Variants in PKP2 observed in about 807,000 individuals in gnomAD.
PKP2 encodes the protein plakophilin 2, also known as plakophilin-2.
PKP2 carries 73 observed loss-of-function variants against 83.4 expected under a neutral mutation model. That is an observed-to-expected ratio of 0.88 (90% CI 0.72 to 1.06). The LOEUF (loss-of-function observed/expected upper bound fraction) is 1.06, where lower values mean the gene tolerates loss of function less well. PKP2 is among the 50% of genes least tolerant of loss of function. The pLI is 0.00. For synonymous variants in PKP2, 409 were observed against 430.4 expected (o/e 0.95, Z 0.62); for missense variants, 966 against 1,065.4 (o/e 0.91, Z 1.30).
At chr12:32,799,945 G>A (rs1314385053) in intron 10 of PKP2, among the ~76,000 whole-genome samples, 3 of 152,166 alleles carry the variant, frequency 2.0e-5, no homozygotes, top group East Asian at 1.9e-4. Context: ...CTTAAAAGGT[G>A]TTAATATTTG....
chr12:32,830,127 CA>C (rs1956485322), intron 6 of PKP2, among the ~76,000 whole-genome samples: 1 of 152,178 alleles, frequency 6.6e-6, no homozygotes. Context: ...ACTTGGTAGG[CA>C]AAGTTAGAGT....
chr12:32,893,351 T>C (rs904183666), intron 1 of PKP2: 12 of 152,194 alleles, frequency 7.9e-5, no homozygotes, highest in African/African-American at 2.7e-4. Flanking sequence ...GTTTCAACAA[T>C]TGCTTGTCTG....
intron 5 of PKP2, chr12:32,843,146 A>C (rs749983584): frequency 1.8e-5 from 8 of 440,310 alleles, no homozygotes; most frequent in Middle Eastern, 7.3e-4. Flanking sequence ...CACCCGGCTA[A>C]TTTTTTTGTA....
Position 32,796,106 on chromosome 12 carries a change from T to TA in PKP2, c.2357+2dup. ...AGCTGACGGGCAGAACTGAAGGACT[T>TA]ACGCATCGCCTGCACTAATGGCCAT... On this transcript the variant is annotated splice_region_variant and intron_variant, in intron 11 of 12. Coordinates refer to ENST00000340811, the MANE Select transcript of PKP2 (RefSeq NM_001005242.3). 6.2e-7 allele frequency: 1 copy of TA among 1,613,402 alleles called. No homozygotes were observed. The highest frequency in any genetic ancestry group is 1.3e-5 in the African/African-American group (1 of 75,024).
intron 6 of PKP2, among the ~76,000 whole-genome samples, chr12:32,835,461 C>G (rs1956536902): frequency 6.6e-6 from 1 of 151,442 alleles, no homozygotes; most frequent in Admixed American, 6.6e-5. Context: ...CTAAGTTATA[C>G]TTCTTACTCC....
intron 6 of PKP2, among the ~76,000 whole-genome samples, chr12:32,837,732 A>G (rs1486094984): frequency 6.6e-6 from 1 of 152,204 alleles, no homozygotes; most frequent in Non-Finnish European, 1.5e-5. Flanking sequence ...CAACCAATGT[A>G]TAGCTTCTAC....
intron 9 of PKP2, chr12:32,820,593 C>G (rs1370235193): frequency 6.6e-6 from 1 of 152,214 alleles, no homozygotes; most frequent in Non-Finnish European, 1.5e-5. Context: ...TTGTTTTTGC[C>G]TTCCCAGCAT....
intron 10 of PKP2, among the ~76,000 whole-genome samples, chr12:32,796,857 T>C (rs1174735901): frequency 6.6e-6 from 1 of 152,200 alleles, no homozygotes; most frequent in African/African-American, 2.4e-5. Context: ...GTCAAGAACT[T>C]AAAACATTTT....
At chr12:32,888,112 G>A (rs112972453) in intron 1 of PKP2, among the ~76,000 whole-genome samples, 6,037 of 152,252 alleles carry the variant, frequency 0.04, 405 homozygotes, top group African/African-American at 0.14. Context: ...AGCCCGGGGG[G>A]CAGAGGTTGC....
chr12:32,824,989 T>G (rs575114391), intron 6 of PKP2, among the ~76,000 whole-genome samples: 3 of 152,250 alleles, frequency 2.0e-5, no homozygotes, highest in Admixed American at 6.5e-5. Flanking sequence ...GATTAAGTTT[T>G]TCTTACTAGC....
chr12:32,896,519 G>C lies in PKP2; in HGVS notation c.213C>G (p.Ser71=), dbSNP rs1173618581. 2 of 1,534,214 alleles carry C rather than the reference G, an allele frequency of 1.3e-6. No individual in the cohort carries two copies. The highest frequency in any genetic ancestry group is 1.7e-6 in the Non-Finnish European group (2 of 1,145,192). ...GCGGGCTCCACTCACCGTTGCCCAC[G>C]GAGCTGCGGCCCTTCCGGGCGAGGG... ...QQTLARKGRS[S]VGNGNLHRTS... Residue 71 remains serine, a synonymous_variant, in exon 1 of 13, where the codon TCC becomes TCG. Transcript: ENST00000340811.
chr12:32,835,487 G>A (rs1188926812), intron 6 of PKP2, among the ~76,000 whole-genome samples: 1 of 151,050 alleles, frequency 6.6e-6, no homozygotes, highest in Non-Finnish European at 1.5e-5. Flanking sequence ...AATAAAGGAG[G>A]CTGTGAAAAA....
rs186971456 is a variant in PKP2 at position 32,874,488 on chromosome 12, C to A, written c.1034+3358G>T. On this transcript the variant is annotated intron_variant, in intron 3 of 12. Coordinates refer to ENST00000340811, the MANE Select transcript of PKP2 (RefSeq NM_001005242.3). The stretch of plus-strand genomic sequence containing the variant: ...GAAAAAAAGTTGATTTCTATGATTT[C>A]TACTCTCTAGAATTTGGGGAAATCT... 1.9e-3 allele frequency among the ~76,000 whole-genome samples: 291 copies of A among 152,222 alleles called. 2 individuals carry two copies. The highest frequency in any genetic ancestry group is 6.7e-3 in the African/African-American group (278 of 41,548).
chr12:32,840,012 T>C (rs1956575890), intron 6 of PKP2, among the ~76,000 whole-genome samples: 1 of 152,236 alleles, frequency 6.6e-6, no homozygotes, highest in Non-Finnish European at 1.5e-5. Flanking sequence ...TCCTTTGTTC[T>C]GCATTCCCGC....
intron 4 of PKP2, among the ~76,000 whole-genome samples, chr12:32,857,425 C>CA (rs148807063): frequency 0.087 from 12,866 of 147,170 alleles, 556 homozygotes; most frequent in Non-Finnish European, 0.1. Flanking sequence ...GAACATGTCT[C>CA]AAAAAAAAAG....
At chr12:32,873,237 C>A (rs142700827) in intron 3 of PKP2, among the ~76,000 whole-genome samples, 286 of 151,466 alleles carry the variant, frequency 1.9e-3, no homozygotes, top group African/African-American at 6.7e-3. Flanking sequence ...GTAGTTGGGG[C>A]TACAGGCATG....
intron 4 of PKP2, among the ~76,000 whole-genome samples, chr12:32,855,731 A>C (rs1285353889): frequency 6.8e-6 from 1 of 146,462 alleles, no homozygotes; most frequent in Non-Finnish European, 1.5e-5. Context: ...AGCCGAGATC[A>C]AGCCTCTGCA....
chr12:32,801,801 A>ATTAC (rs373030735), intron 10 of PKP2, among the ~76,000 whole-genome samples: 2 of 152,100 alleles, frequency 1.3e-5, no homozygotes, highest in East Asian at 3.9e-4. Context: ...CAAATAAAAA[A>ATTAC]GTACCGTTAT....
Position 32,896,548 on chromosome 12 carries a change from G to T in PKP2, c.184C>A (p.Gln62Lys), listed in dbSNP as rs199601548. 2.9e-4 allele frequency: 454 copies of T among 1,584,186 alleles called. No individual in the cohort carries two copies. Among genetic ancestry groups the T allele is most frequent in the Middle Eastern group, 6.2e-4 (3 of 4,820 alleles). ...CTGCGGCCCTTCCGGGCGAGGGTCT[G>T]CTGCACCTGCTCCTGGATCCGCAGG... is the stretch of plus-strand genomic sequence containing the variant. Reference protein sequence around the residue: ...KSLRIQEQVQQTLARKGRSSV... With the variant: ...KSLRIQEQVQKTLARKGRSSV... Residue 62 changes from glutamine (Q) to lysine (K), a missense_variant, in exon 1 of 13, where the codon CAG becomes AAG. Physicochemically the swap from Gln to Lys is moderately conservative, Grantham distance 53. Transcript: ENST00000340811.
Sources: gnomAD v4.1 joint callset for allele counts (sites outside exome capture counted in the v4.1 genomes callset) on GRCh38, gnomAD v4.1.1 for gene constraint, MANE v1.5 for transcripts, NCBI Gene and HGNC (gene_info 2026-07-23, HGNC 2026-07-21) for gene names.